Variants in SLC25A48 observed in about 807,000 individuals in gnomAD.
SLC25A48 encodes solute carrier family 25 member 48.
SLC25A48 carries 29 observed loss-of-function variants against 32.2 expected under a neutral mutation model. The ratio of observed to expected loss-of-function variants is 0.90; its 90% confidence interval spans 0.67 to 1.23. SLC25A48 has a LOEUF of 1.23. SLC25A48 is among the 50% of genes most tolerant of loss of function. SLC25A48 has a pLI of 0.00. For synonymous variants in SLC25A48, 164 were observed against 172.3 expected (o/e 0.95, Z 0.38); for missense variants, 399 against 422.7 (o/e 0.94, Z 0.49).
intron 7 of SLC25A48, among the ~76,000 whole-genome samples, chr5:135,881,007 T>TGTCCCTACCTTTGCA (rs1762435594): frequency 1.3e-5 from 2 of 151,638 alleles, no homozygotes; most frequent in African/African-American, 4.8e-5. Flanking sequence ...GCTGCTGCGC[T>TGTCCCTACCTTTGCA]GTCCCTACCT....
chr5:135,671,179 G>A (rs1753645017), intron 3 of SLC25A48, among the ~76,000 whole-genome samples: 1 of 152,248 alleles, frequency 6.6e-6, no homozygotes, highest in African/African-American at 2.4e-5. Flanking sequence ...GAAGGAGCTA[G>A]AGGAAGGAAA....
rs1759756157 is a variant in SLC25A48 at position 135,850,430 on chromosome 5, C to G, written c.96C>G (p.Arg32=). The G allele has an allele frequency of 1.2e-6, 2 of 1,614,060 alleles. No individual in the cohort carries two copies. The highest frequency in any genetic ancestry group is 2.7e-5 in the African/African-American group (2 of 74,948). The change falls in exon 3 of 8, where the codon CGC becomes CGG. Residue 32 remains arginine, a synonymous_variant. Coordinates refer to ENST00000681962, the MANE Select transcript of SLC25A48 (RefSeq NM_001349336.2). ...VGHPLDTVKT[R]LQAGVGYGNT... is the part of the protein sequence containing the mutation. ...GTCCTTGCCTCTCTCCATAGACTCG[C>G]CTGCAGGCTGGCGTTGGCTACGGAA...
intron 1 of SLC25A48, among the ~76,000 whole-genome samples, chr5:135,600,670 C>T (rs898150015): frequency 1.4e-5 from 2 of 141,678 alleles, no homozygotes; most frequent in Non-Finnish European, 3.0e-5. Context: ...GTTTTTCTTT[C>T]TTTTTCTTTT....
chr5:135,658,497 A>G (rs1454794648), intron 3 of SLC25A48, among the ~76,000 whole-genome samples: 1 of 152,172 alleles, frequency 6.6e-6, no homozygotes, highest in African/African-American at 2.4e-5. Context: ...TTCCAGGCTC[A>G]TGGTGCAAGC....
At chr5:135,593,486 T>G (rs1482119248) in intron 1 of SLC25A48, among the ~76,000 whole-genome samples, 3 of 152,210 alleles carry the variant, frequency 2.0e-5, no homozygotes, top group Non-Finnish European at 4.4e-5. Flanking sequence ...GGGGCTTTGA[T>G]GGATCTGGGA....
At chr5:135,600,264 T>C (rs147654377) in intron 1 of SLC25A48, among the ~76,000 whole-genome samples, 3 of 152,340 alleles carry the variant, frequency 2.0e-5, no homozygotes, top group Admixed American at 1.3e-4. Flanking sequence ...AGATGAATAA[T>C]GTGGTTCTCC....
intron 3 of SLC25A48, among the ~76,000 whole-genome samples, chr5:135,644,173 A>G (rs1376794078): frequency 6.6e-6 from 1 of 151,842 alleles, no homozygotes; most frequent in African/African-American, 2.4e-5. Context: ...AATTTCAGCA[A>G]GTTGCGGATG....
intron 3 of SLC25A48, among the ~76,000 whole-genome samples, chr5:135,756,790 C>T (rs1755919222): frequency 1.3e-5 from 2 of 151,616 alleles, no homozygotes; most frequent in Admixed American, 6.6e-5. Flanking sequence ...AGTGTTAACA[C>T]ACTATGACAT....
At chr5:135,632,675 T>C (rs1292782164) in intron 2 of SLC25A48, among the ~76,000 whole-genome samples, 3 of 152,196 alleles carry the variant, frequency 2.0e-5, no homozygotes, top group Non-Finnish European at 4.4e-5. Flanking sequence ...TTTTGAACTA[T>C]TTTTTAAATC....
chr5:135,843,339 T>G (rs1759158352), intron 2 of SLC25A48, among the ~76,000 whole-genome samples: 1 of 152,076 alleles, frequency 6.6e-6, no homozygotes, highest in South Asian at 2.1e-4. Flanking sequence ...GTGCAGAGTT[T>G]AGGAACCTGC....
chr5:135,674,912 T>G (rs75739925), intron 3 of SLC25A48, among the ~76,000 whole-genome samples: 235 of 10,120 alleles, frequency 0.023, 6 homozygotes, highest in African/African-American at 0.046. Context: ...TTTAGTGGGG[T>G]TTTTTTTTTT....
chr5:135,654,315 A>C (rs942150908), intron 3 of SLC25A48, among the ~76,000 whole-genome samples: 1 of 152,216 alleles, frequency 6.6e-6, no homozygotes, highest in African/African-American at 2.4e-5. Context: ...GCCGTAGCTA[A>C]GGGCTCAGGA....
chr5:135,689,067 A>C (rs1397509350), intron 3 of SLC25A48, among the ~76,000 whole-genome samples: 2 of 152,180 alleles, frequency 1.3e-5, no homozygotes, highest in Non-Finnish European at 2.9e-5. Flanking sequence ...CATAGCTAGT[A>C]AGTTTGTCTA....
chr5:135,582,995 T>C (rs2126870339), intron 1 of SLC25A48, among the ~76,000 whole-genome samples: 1 of 152,344 alleles, frequency 6.6e-6, no homozygotes, highest in South Asian at 2.1e-4. Context: ...GGATGATCTG[T>C]CTGTGTCTGT....
At chr5:135,583,602 T>C (rs1751283942) in intron 1 of SLC25A48, among the ~76,000 whole-genome samples, 1 of 151,056 alleles carries the variant, frequency 6.6e-6, no homozygotes, top group Non-Finnish European at 1.5e-5. Context: ...AGCAATGGGG[T>C]TGACTGCATA....
rs1326330521 is a variant in SLC25A48 at position 135,629,007 on chromosome 5, G to A, written c.-848-230G>A. ...GCCAGGAAGCTGCAGCTGGTGCTAG[G>A]TTAATTTCCAGAATTAGGCTACAGT... On this transcript the variant is annotated intron_variant, in intron 1 of 10. Coordinates refer to the SLC25A48 transcript ENST00000646290. The surrounding 1 kb of genome is among the most constrained non-coding windows in gnomAD (Gnocchi z 4.8). Among the ~76,000 whole-genome samples, 1 of 152,160 alleles carries A rather than the reference G, an allele frequency of 6.6e-6. No individual in the cohort carries two copies. The highest frequency in any genetic ancestry group is 2.4e-5 in the African/African-American group (1 of 41,430).
At chr5:135,757,140 T>C (rs1276623051) in intron 3 of SLC25A48, among the ~76,000 whole-genome samples, 1 of 150,266 alleles carries the variant, frequency 6.7e-6, no homozygotes, top group African/African-American at 2.4e-5. Flanking sequence ...CACCATGATA[T>C]GAATGATATG....
upstream of SLC25A48, among the ~76,000 whole-genome samples, chr5:135,831,889 C>G (rs950225127): frequency 6.6e-6 from 1 of 152,166 alleles, no homozygotes; most frequent in African/African-American, 2.4e-5. Flanking sequence ...GTGATCCAGG[C>G]AGGGCAGTGG....
rs1034083764 is a variant in SLC25A48 at position 135,852,740 on chromosome 5, G to A, written c.340G>A (p.Gly114Ser). The A allele has an allele frequency of 1.2e-6, 2 of 1,613,984 alleles. No homozygotes were observed. The highest frequency in any genetic ancestry group is 1.1e-5 in the South Asian group (1 of 91,088). Residue 114 changes from glycine to serine, a missense_variant, in exon 4 of 8, where the codon GGC becomes AGC. Physicochemically the swap from Gly to Ser is moderately conservative, Grantham distance 56. Coordinates refer to ENST00000681962, the MANE Select transcript of SLC25A48 (RefSeq NM_001349336.2). ...CCTGCTCCTGGCCAGCATGGTGGCC[G>A]GCGTGGTCTCTGTCGGGCTGGGAGG... ...SDLLLASMVA[G>S]VVSVGLGGPV...
Sources: gnomAD v4.1 joint callset for allele counts (sites outside exome capture counted in the v4.1 genomes callset) on GRCh38, gnomAD v4.1.1 for gene constraint, Gnocchi (gnomAD v3.1) non-coding constraint, MANE v1.5 for transcripts, NCBI Gene and HGNC (gene_info 2026-07-23, HGNC 2026-07-21) for gene names.